ADGRL3: variants seen among roughly 807,000 people sequenced by gnomAD.
The protein encoded by ADGRL3 is calcium-independent alpha-latrotoxin receptor 3.
A neutral mutation model predicts 153.5 loss-of-function variants in ADGRL3; 62 were observed. That is an observed-to-expected ratio of 0.40 (90% CI 0.33 to 0.50). The LOEUF (loss-of-function observed/expected upper bound fraction) is 0.50, where lower values mean the gene tolerates loss of function less well. Ranked by LOEUF, ADGRL3 falls within the 20% of genes least tolerant of loss-of-function variation. ADGRL3 has a pLI of 0.47. For missense variants in ADGRL3, 1,641 were observed against 1,859.4 expected (o/e 0.88, Z 2.16); for synonymous variants, 710 against 672.5 (o/e 1.06, Z -0.86).
At chr4:61,764,628 T>C (rs1188234869) in intron 8 of ADGRL3, among the ~76,000 whole-genome samples, 1 of 152,170 alleles carries the variant, frequency 6.6e-6, no homozygotes, top group Non-Finnish European at 1.5e-5. Flanking sequence ...TTTAGTTACT[T>C]CAGGCCATCT....
chr4:61,692,440 TC>T (rs1259548172), intron 6 of ADGRL3, among the ~76,000 whole-genome samples: 1 of 115,864 alleles, frequency 8.6e-6, no homozygotes, highest in Non-Finnish European at 1.6e-5. Context: ...TTCTCTCTCT[TC>T]CTATTTTTTT....
chr4:61,309,942 C>A (rs2094935485), intron 1 of ADGRL3, among the ~76,000 whole-genome samples: 1 of 151,960 alleles, frequency 6.6e-6, no homozygotes, highest in African/African-American at 2.4e-5. Flanking sequence ...AAGGAACTCA[C>A]TCACTCATTT....
At chr4:61,709,687 A>T (rs187465577) in intron 6 of ADGRL3, among the ~76,000 whole-genome samples, 1 of 152,200 alleles carries the variant, frequency 6.6e-6, no homozygotes, top group South Asian at 2.1e-4. Flanking sequence ...CTTGCCAATA[A>T]CTGTGCCCCT....
chr4:61,544,083 G>C (rs28540500), intron 4 of ADGRL3, among the ~76,000 whole-genome samples: 49,469 of 152,046 alleles, frequency 0.33, 8,688 homozygotes, highest in Admixed American at 0.39. Context: ...TTGTGGATCA[G>C]TGTGAGTTTC....
chr4:61,460,012 C>T (rs1032745502), intron 2 of ADGRL3, among the ~76,000 whole-genome samples: 2 of 152,042 alleles, frequency 1.3e-5, no homozygotes, highest in Admixed American at 6.6e-5. Flanking sequence ...AATATTTTCT[C>T]CCATTCTGCA....
intron 9 of ADGRL3, among the ~76,000 whole-genome samples, chr4:61,881,658 G>A (rs971983681): frequency 2.0e-5 from 3 of 152,208 alleles, no homozygotes; most frequent in Non-Finnish European, 4.4e-5. Context: ...GAACACAGGC[G>A]TGAGCCACCA....
At chr4:61,795,776 A>G (rs543983326) in intron 8 of ADGRL3, among the ~76,000 whole-genome samples, 30 of 152,312 alleles carry the variant, frequency 2.0e-4, no homozygotes, top group African/African-American at 7.0e-4. Context: ...CAAGCAGATT[A>G]TGCATCAACC....
intron 2 of ADGRL3, among the ~76,000 whole-genome samples, chr4:61,446,756 A>C (rs1031323376): frequency 3.9e-5 from 6 of 152,220 alleles, no homozygotes; most frequent in Admixed American, 1.3e-4. Context: ...GCTAGGTATT[A>C]ATGAATATAC....
intron 17 of ADGRL3, among the ~76,000 whole-genome samples, chr4:61,976,622 G>A (rs944291217): frequency 1.6e-4 from 24 of 152,058 alleles, no homozygotes; most frequent in South Asian, 6.2e-4. Context: ...TAATGGGAGC[G>A]GTTCCCCCAT....
At chr4:61,325,830 TAGAGA>T (rs2095453040) in intron 1 of ADGRL3, among the ~76,000 whole-genome samples, 2 of 152,162 alleles carry the variant, frequency 1.3e-5, no homozygotes, top group South Asian at 2.1e-4. Context: ...ACTGTGGAAA[TAGAGA>T]AGAGAGTCAT....
At chr4:61,612,743 T>G (rs145280307) in intron 5 of ADGRL3, among the ~76,000 whole-genome samples, 85 of 152,230 alleles carry the variant, frequency 5.6e-4, no homozygotes, top group African/African-American at 1.8e-3. Context: ...TAAAGGGCCA[T>G]TTATAGGTTT....
intron 17 of ADGRL3, among the ~76,000 whole-genome samples, chr4:61,976,408 A>G (rs961142310): frequency 1.3e-5 from 2 of 152,200 alleles, no homozygotes; most frequent in Non-Finnish European, 2.9e-5. Context: ...TCTGTTATTT[A>G]CATTCAATGT....
intron 1 of ADGRL3, among the ~76,000 whole-genome samples, chr4:61,341,604 C>A (rs1187727320): frequency 6.6e-6 from 1 of 151,498 alleles, no homozygotes; most frequent in Admixed American, 6.6e-5. Flanking sequence ...AGAAATATAG[C>A]TGTTATGCAA....
At chr4:61,306,497 T>C (rs2094795000) in intron 1 of ADGRL3, among the ~76,000 whole-genome samples, 1 of 150,534 alleles carries the variant, frequency 6.6e-6, no homozygotes, top group Non-Finnish European at 1.5e-5. Flanking sequence ...CTGAGTAACA[T>C]GTAAATTTCC....
At chr4:61,575,233 T>G (rs770842146) in intron 4 of ADGRL3, among the ~76,000 whole-genome samples, 24 of 152,036 alleles carry the variant, frequency 1.6e-4, no homozygotes, top group Non-Finnish European at 3.2e-4. Context: ...TTTAATAATA[T>G]GTTTTCAGCT....
At chr4:61,338,168 G>A (rs2095721074) in intron 1 of ADGRL3, among the ~76,000 whole-genome samples, 1 of 151,960 alleles carries the variant, frequency 6.6e-6, no homozygotes, top group South Asian at 2.1e-4. Flanking sequence ...CTACTCGGGA[G>A]GCTGAGGCGA....
At chr4:61,964,041 G>A (rs993334037) in intron 17 of ADGRL3, among the ~76,000 whole-genome samples, 13 of 152,076 alleles carry the variant, frequency 8.5e-5, no homozygotes, top group African/African-American at 3.1e-4. Flanking sequence ...ATCACAAAAG[G>A]TATTGTCATC....
At chr4:61,577,493 T>C (rs1157011036) in intron 4 of ADGRL3, among the ~76,000 whole-genome samples, 1 of 151,942 alleles carries the variant, frequency 6.6e-6, no homozygotes, top group African/African-American at 2.4e-5. Flanking sequence ...CAATAAAGAA[T>C]ATTGATGTTT....
rs2098329157 is a variant in ADGRL3 at position 61,497,168 on chromosome 4, T to G, written c.-126T>G. The stretch of plus-strand genomic sequence containing the variant: ...GTTTCTGTTTTGGAGAAATTATTCT[T>G]TTTCTTTTTAATTTGAAGAAAAATC... On this transcript the variant is annotated 5_prime_UTR_variant, in exon 3 of 27. Transcript: ENST00000683033. 4.7e-6 allele frequency: 3 copies of G among 634,152 alleles called. No homozygotes were observed. In the East Asian group the frequency reaches 9.4e-5, roughly 20 times the overall value. The allele number at this position is 634,152 out of a possible 1,614,324, so 39.3% of individuals were successfully genotyped here. A position where few individuals can be genotyped will look rare whatever the true frequency, so the allele number is the denominator to read the frequency against.
Sources: allele counts gnomAD v4.1 joint callset (sites outside exome capture counted in the v4.1 genomes callset), GRCh38; gene constraint gnomAD v4.1.1; transcripts MANE v1.5; gene names NCBI Gene and HGNC (gene_info 2026-07-23, HGNC 2026-07-21).